Variants in CPA6 observed in about 807,000 individuals in gnomAD.
The protein encoded by CPA6 is carboxypeptidase B.
A neutral mutation model predicts 63.3 loss-of-function variants in CPA6; 58 were observed. The observed-to-expected ratio is 0.92, with a 90% confidence interval of 0.74 to 1.14. The LOEUF is 1.14. Among genes scored for constraint, CPA6 ranks in the 50% most tolerant of loss-of-function variants. The pLI is 0.00. For synonymous variants in CPA6, 185 were observed against 179.0 expected (o/e 1.03, Z -0.27); for missense variants, 565 against 526.6 (o/e 1.07, Z -0.71).
intron 1 of CPA6, among the ~76,000 whole-genome samples, chr8:67,692,590 T>A (rs1184942873): frequency 2.6e-5 from 4 of 152,228 alleles, no homozygotes; most frequent in Non-Finnish European, 4.4e-5. Flanking sequence ...TATAATCTAT[T>A]ATGTGTAAAT....
intron 1 of CPA6, among the ~76,000 whole-genome samples, chr8:67,666,137 G>A (rs1281016965): frequency 1.3e-5 from 2 of 152,210 alleles, no homozygotes; most frequent in African/African-American, 4.8e-5. Context: ...ACTGAGCAGA[G>A]ACATGACCTC....
intron 1 of CPA6, among the ~76,000 whole-genome samples, chr8:67,713,099 G>GTGTATATATATATA (rs1328463977): frequency 1.8e-5 from 1 of 55,026 alleles, no homozygotes; most frequent in African/African-American, 7.4e-5. Flanking sequence ...GTGTGTGTGT[G>GTGTATATATATATA]TATATATATA....
intron 9 of CPA6, among the ~76,000 whole-genome samples, chr8:67,430,165 G>T (rs1400145452): frequency 7.2e-6 from 1 of 138,502 alleles, no homozygotes. Context: ...GTGTGTGTGT[G>T]TGTGTGTATA....
At chr8:67,444,618 T>C (rs1017877092) in intron 8 of CPA6, among the ~76,000 whole-genome samples, 4 of 150,484 alleles carry the variant, frequency 2.7e-5, no homozygotes, top group African/African-American at 9.8e-5. Context: ...ACCCTGTCTC[T>C]AGTAAAAATA....
At chr8:67,439,503 C>T (rs1810239733) in intron 8 of CPA6, among the ~76,000 whole-genome samples, 1 of 151,428 alleles carries the variant, frequency 6.6e-6, no homozygotes, top group Non-Finnish European at 1.5e-5. Flanking sequence ...GCAGGAGAAT[C>T]ACTTGAACCC....
chr8:67,468,031 C>T (rs1313323025), intron 8 of CPA6, among the ~76,000 whole-genome samples: 1 of 151,760 alleles, frequency 6.6e-6, no homozygotes, highest in Non-Finnish European at 1.5e-5. Flanking sequence ...GCACTCCAGC[C>T]TGGGCGACAG....
At chr8:67,619,564 A>G (rs576405989) in intron 2 of CPA6, among the ~76,000 whole-genome samples, 7 of 152,236 alleles carry the variant, frequency 4.6e-5, no homozygotes, top group African/African-American at 1.7e-4. Flanking sequence ...TGAGATCCAC[A>G]TTGTGGGGAG....
intron 3 of CPA6, among the ~76,000 whole-genome samples, chr8:67,514,644 C>T (rs1812106553): frequency 6.6e-6 from 1 of 152,192 alleles, no homozygotes; most frequent in African/African-American, 2.4e-5. Flanking sequence ...TTCTCTGTGA[C>T]ATAAAGTGTG....
At position 67,483,847 on chromosome 8, in the gene CPA6, C is replaced by T. The variant is rs139178030; in HGVS notation, c.759G>A (p.Trp253Ter). Reference protein sequence around the residue: ...YHFSWTNDRFWRKTRSRNSRF... With the variant: ...YHFSWTNDRF ...TTGAGTTCCTTGACCTTGTTTTTCTCCAAAATCGATCCTAGACATAATTAA... is the reference window on the plus strand; with the variant it reads ...TTGAGTTCCTTGACCTTGTTTTTCTTCAAAATCGATCCTAGACATAATTAA... The change falls in exon 8 of 11, where the codon TGG becomes TGA. Residue 253 changes from tryptophan (W) to a stop codon, truncating the protein, a stop_gained. Coordinates refer to ENST00000297770, the MANE Select transcript of CPA6 (RefSeq NM_020361.5). LOFTEE classifies it high-confidence loss of function. The T allele has an allele frequency of 9.0e-5, 146 of 1,613,740 alleles. No individual in the cohort carries two copies. In the African/African-American group the frequency reaches 1.5e-3, roughly 17 times the overall value.
intron 8 of CPA6, among the ~76,000 whole-genome samples, chr8:67,475,818 CTTTCTT>C (rs1811181189): frequency 3.7e-5 from 1 of 27,394 alleles, no homozygotes; most frequent in Non-Finnish European, 7.2e-5. Context: ...TCTTTCTTTC[CTTTCTT>C]TTCTTTCTTT....
intron 6 of CPA6, among the ~76,000 whole-genome samples, chr8:67,487,518 G>A (rs1482757065): frequency 1.3e-5 from 2 of 152,272 alleles, no homozygotes; most frequent in Non-Finnish European, 2.9e-5. Context: ...AACATAACGT[G>A]TGCATGTGTC....
At chr8:67,526,010 T>C (rs564764902) in intron 2 of CPA6, among the ~76,000 whole-genome samples, 51 of 150,360 alleles carry the variant, frequency 3.4e-4, no homozygotes, top group Non-Finnish European at 5.6e-4. Context: ...TTGTACACCT[T>C]AAATTTATGC....
intron 1 of CPA6, among the ~76,000 whole-genome samples, chr8:67,635,962 A>G (rs1467367397): frequency 2.0e-5 from 3 of 151,314 alleles, no homozygotes; most frequent in East Asian, 1.9e-4. Context: ...CTCCAAATCT[A>G]TTTTCCTGTC....
chr8:67,514,518 G>A (rs139770480), intron 3 of CPA6, among the ~76,000 whole-genome samples: 17 of 152,210 alleles, frequency 1.1e-4, no homozygotes, highest in Non-Finnish European at 2.2e-4. Flanking sequence ...TACTGGGCCC[G>A]TGGAATTTAA....
intron 8 of CPA6, among the ~76,000 whole-genome samples, chr8:67,469,187 T>C (rs1243600842): frequency 1.3e-5 from 2 of 152,232 alleles, no homozygotes; most frequent in South Asian, 2.1e-4. Flanking sequence ...TGGTCAAACA[T>C]TACTCTTAAT....
At chr8:67,655,848 A>G (rs1315386509) in intron 1 of CPA6, among the ~76,000 whole-genome samples, 2 of 152,184 alleles carry the variant, frequency 1.3e-5, no homozygotes, top group Admixed American at 6.5e-5. Context: ...CAAAAGACAG[A>G]AGACAGTATC....
chr8:67,612,109 AT>A (rs1218203207), intron 2 of CPA6, among the ~76,000 whole-genome samples: 2 of 152,192 alleles, frequency 1.3e-5, no homozygotes, highest in African/African-American at 4.8e-5. Flanking sequence ...CACAATACAA[AT>A]TCATGGACAA....
chr8:67,431,197 C>T lies in CPA6; in HGVS notation c.1041+2841G>A, dbSNP rs868276356. On this transcript the variant is annotated intron_variant, in intron 9 of 10. Coordinates refer to ENST00000297770, the MANE Select transcript of CPA6 (RefSeq NM_020361.5). ...CCAATCCAAGACAAAGGAAAATAGG[C>T]TTAACTTAAGGTGGGAAGATAAAAT... is the stretch of plus-strand genomic sequence containing the variant. 4.6e-5 allele frequency among the ~76,000 whole-genome samples: 7 copies of T among 151,740 alleles called. No individual in the cohort carries two copies. In the South Asian group the frequency reaches 1.0e-3, roughly 23 times the overall value.
chr8:67,566,929 T>G (rs1813351561), intron 2 of CPA6, among the ~76,000 whole-genome samples: 2 of 152,220 alleles, frequency 1.3e-5, no homozygotes, highest in Non-Finnish European at 1.5e-5. Context: ...TTGTTTGGAG[T>G]GAAAGGTGGC....
Sources: gnomAD v4.1 joint callset for allele counts (sites outside exome capture counted in the v4.1 genomes callset) on GRCh38, gnomAD v4.1.1 for gene constraint, MANE v1.5 for transcripts, NCBI Gene and HGNC (gene_info 2026-07-23, HGNC 2026-07-21) for gene names.